Variants in FSTL5 observed in about 807,000 individuals in gnomAD.
The protein encoded by FSTL5 is follistatin-related protein 5.
In FSTL5, 62 loss-of-function variants were observed where a neutral mutation model predicts 89.1. The ratio of observed to expected loss-of-function variants is 0.70; its 90% CI spans 0.57 to 0.86. The LOEUF (loss-of-function observed/expected upper bound fraction) is 0.86, where lower values mean the gene tolerates loss of function less well. Ranked by LOEUF, FSTL5 falls within the 40% of genes least tolerant of loss-of-function variation. The pLI, the probability that FSTL5 is intolerant of heterozygous loss-of-function variation, is 0.00. For synonymous variants in FSTL5, 383 were observed against 346.2 expected (o/e 1.11, Z -1.18); for missense variants, 1,057 against 1,001.6 (o/e 1.06, Z -0.75).
chr4:162,075,206 C>A (rs1189627361), intron 2 of FSTL5, among the ~76,000 whole-genome samples: 6 of 151,782 alleles, frequency 4.0e-5, no homozygotes, highest in Non-Finnish European at 7.4e-5. Context: ...CTCCTGATTT[C>A]TCAACCCCTT....
chr4:161,993,209 T>A (rs1302722685), intron 3 of FSTL5, among the ~76,000 whole-genome samples: 1 of 151,764 alleles, frequency 6.6e-6, no homozygotes. Context: ...AACATCACAA[T>A]ACTGTCATCT....
intron 15 of FSTL5, among the ~76,000 whole-genome samples, chr4:161,434,206 A>G (rs1175554560): frequency 6.6e-6 from 1 of 152,134 alleles, no homozygotes; most frequent in Non-Finnish European, 1.5e-5. Flanking sequence ...AAACAGACAC[A>G]TAGACCAATG....
chr4:162,113,570 C>A (rs2111413354), intron 1 of FSTL5, among the ~76,000 whole-genome samples: 1 of 152,246 alleles, frequency 6.6e-6, no homozygotes, highest in South Asian at 2.1e-4. Flanking sequence ...AACCAAAATC[C>A]CTGACCTAGC....
intron 7 of FSTL5, among the ~76,000 whole-genome samples, chr4:161,614,674 A>G (rs1560979849): frequency 6.6e-6 from 1 of 152,178 alleles, no homozygotes; most frequent in African/African-American, 2.4e-5. Context: ...TATAATTTAC[A>G]ATTTGCAATT....
At chr4:161,769,053 C>T (rs1245007965) in intron 5 of FSTL5, among the ~76,000 whole-genome samples, 1 of 151,870 alleles carries the variant, frequency 6.6e-6, no homozygotes, top group Non-Finnish European at 1.5e-5. Context: ...TTAGATGCCC[C>T]TATGAGCAAC....
chr4:161,925,192 T>C (rs982242892), intron 3 of FSTL5, among the ~76,000 whole-genome samples: 3 of 151,922 alleles, frequency 2.0e-5, no homozygotes, highest in African/African-American at 7.2e-5. Context: ...ATTTAGTAAG[T>C]TTTCTCTATA....
At chr4:161,554,228 G>C (rs1732310480) in intron 8 of FSTL5, among the ~76,000 whole-genome samples, 1 of 151,134 alleles carries the variant, frequency 6.6e-6, no homozygotes, top group Admixed American at 6.6e-5. Context: ...GTCTTATGAT[G>C]ATAGTAGGAA....
At chr4:161,933,679 C>T (rs982259185) in intron 3 of FSTL5, among the ~76,000 whole-genome samples, 2 of 150,864 alleles carry the variant, frequency 1.3e-5, no homozygotes, top group African/African-American at 4.9e-5. Context: ...ATACAGAAAA[C>T]CAGTAATCTT....
intron 3 of FSTL5, among the ~76,000 whole-genome samples, chr4:161,924,505 A>T (rs182351821): frequency 1.7e-3 from 254 of 151,798 alleles, no homozygotes; most frequent in Middle Eastern, 0.014. Context: ...TTGGTATATG[A>T]TACATAAAAA....
At chr4:162,056,694 A>G (rs1163636931) in intron 2 of FSTL5, among the ~76,000 whole-genome samples, 1 of 152,176 alleles carries the variant, frequency 6.6e-6, no homozygotes, top group Non-Finnish European at 1.5e-5. Context: ...AGGAATCCTT[A>G]ATAAAACATT....
At chr4:161,726,626 T>C (rs995230703) in intron 6 of FSTL5, among the ~76,000 whole-genome samples, 5 of 152,160 alleles carry the variant, frequency 3.3e-5, no homozygotes, top group Non-Finnish European at 7.4e-5. Flanking sequence ...ACAGGGGTTT[T>C]AACTGTATTT....
chr4:161,510,375 A>T, intron 11 of FSTL5, 23 bp downstream of exon 11: 4 of 1,465,764 alleles, frequency 2.7e-6, no homozygotes, highest in Admixed American at 4.6e-5. Flanking sequence ...TTGTCACAAC[A>T]TAAAAATAAT....
chr4:162,008,026 T>C (rs1736659862), intron 3 of FSTL5, among the ~76,000 whole-genome samples: 1 of 151,884 alleles, frequency 6.6e-6, no homozygotes, highest in Non-Finnish European at 1.5e-5. Context: ...ATTGATATGG[T>C]ATATATCAAA....
chr4:162,048,489 A>G (rs1738273732), intron 2 of FSTL5, among the ~76,000 whole-genome samples: 1 of 152,276 alleles, frequency 6.6e-6, no homozygotes, highest in South Asian at 2.1e-4. Context: ...AGATATAATT[A>G]TGGTGGTAAA....
chr4:162,019,282 G>A (rs1184977720), intron 3 of FSTL5, among the ~76,000 whole-genome samples: 1 of 151,934 alleles, frequency 6.6e-6, no homozygotes, highest in African/African-American at 2.4e-5. Flanking sequence ...CATAACATAT[G>A]ATCTAGATAC....
chr4:162,098,519 G>A (rs775862714), intron 2 of FSTL5, among the ~76,000 whole-genome samples: 4 of 151,974 alleles, frequency 2.6e-5, no homozygotes, highest in Non-Finnish European at 5.9e-5. Flanking sequence ...AAATGATTCA[G>A]TGAAATCTCA....
chr4:161,577,471 G>GCC (rs1733262264), intron 8 of FSTL5, among the ~76,000 whole-genome samples: 1 of 6,516 alleles, frequency 1.5e-4, no homozygotes, highest in Non-Finnish European at 3.8e-4. Flanking sequence ...GAAGAAAAAA[G>GCC]ACAAAAAAAA....
chr4:162,015,785 C>T (rs922984324), intron 3 of FSTL5, among the ~76,000 whole-genome samples: 10 of 152,118 alleles, frequency 6.6e-5, no homozygotes, highest in Admixed American at 2.6e-4. Context: ...CTTCAATCTC[C>T]GTGTTTGTAC....
chr4:161,784,892 C>CAAAAAAAAAAAAAAAA (rs67493163), intron 4 of FSTL5, among the ~76,000 whole-genome samples: 3 of 79,206 alleles, frequency 3.8e-5, no homozygotes, highest in Admixed American at 1.7e-4. Flanking sequence ...GACTCCGTCT[C>CAAAAAAAAAAAAAAAA]AAAAAAAACA....
Sources: allele counts gnomAD v4.1 joint callset (sites outside exome capture counted in the v4.1 genomes callset), GRCh38; gene constraint gnomAD v4.1.1; transcripts MANE v1.5; gene names NCBI Gene and HGNC (gene_info 2026-07-23, HGNC 2026-07-21).